CORO2B: variants seen among roughly 807,000 people sequenced by gnomAD.
CORO2B encodes the protein coronin-2B.
A neutral mutation model predicts 58.8 loss-of-function variants in CORO2B; 26 were observed. The observed-to-expected ratio is 0.44, with a 90% CI of 0.32 to 0.61. CORO2B has a LOEUF of 0.61. Ranked by LOEUF, CORO2B falls within the 20% of genes least tolerant of loss-of-function variation. The pLI, the probability that CORO2B is intolerant of heterozygous loss-of-function variation, is 0.04. For missense variants in CORO2B, 460 were observed against 645.1 expected (o/e 0.71, Z 3.11); for synonymous variants, 242 against 253.8 (o/e 0.95, Z 0.44).
intron 2 of CORO2B, among the ~76,000 whole-genome samples, chr15:68,681,957 A>G (rs1414101924): frequency 3.9e-5 from 6 of 152,200 alleles, no homozygotes; most frequent in African/African-American, 1.4e-4. Flanking sequence ...GTGGAGAGCC[A>G]GACTTGGAAC....
the CORO2B span, among the ~76,000 whole-genome samples, chr15:68,536,531 T>C: frequency 1.3e-5 from 2 of 152,244 alleles, no homozygotes; most frequent in Admixed American, 1.3e-4. Flanking sequence ...GATGCAACTC[T>C]GTAACACTGG....
intron 1 of CORO2B, among the ~76,000 whole-genome samples, chr15:68,633,038 T>TTCTGCC (rs1329382469): frequency 2.0e-5 from 3 of 152,250 alleles, no homozygotes; most frequent in Admixed American, 2.0e-4. Context: ...CGCTTATGGC[T>TTCTGCC]TCTGCCTCTG....
chr15:68,611,900 T>G (rs1002702579), intron 1 of CORO2B, among the ~76,000 whole-genome samples: 1 of 152,054 alleles, frequency 6.6e-6, no homozygotes, highest in Non-Finnish European at 1.5e-5. Flanking sequence ...GCCTCCCAAG[T>G]AGCTGGGACT....
chr15:68,711,711 A>G lies in CORO2B; in HGVS notation c.648+5A>G, dbSNP rs1596033319. The G allele has an allele frequency of 6.2e-7, 1 of 1,613,822 alleles. No homozygotes were observed. Among genetic ancestry groups the G allele is most frequent in the East Asian group, 2.2e-5 (1 of 44,866 alleles). On this transcript the variant is annotated splice_donor_5th_base_variant and intron_variant, in intron 5 of 11. Coordinates refer to ENST00000261861, the MANE Select transcript of CORO2B (RefSeq NM_006091.5). ...CGCTCTGGCCGTGTTCTGCAGGTGG[A>G]ACCCTACATTTTTTGAGATTGAAGG...
At chr15:68,536,421 C>G in the CORO2B span, among the ~76,000 whole-genome samples, 1 of 152,192 alleles carries the variant, frequency 6.6e-6, no homozygotes, top group Admixed American at 6.5e-5. Context: ...TAAAAAACTG[C>G]TATTTAATTC....
At chr15:68,693,407 ATGAGGAATC>A (rs1192389900) in intron 2 of CORO2B, among the ~76,000 whole-genome samples, 3 of 152,190 alleles carry the variant, frequency 2.0e-5, no homozygotes, top group Non-Finnish European at 2.9e-5. Flanking sequence ...TATTATTCTG[ATGAGGAATC>A]TGAAGGAGAC....
At chr15:68,559,906 G>A in the CORO2B span, among the ~76,000 whole-genome samples, 2 of 152,254 alleles carry the variant, frequency 1.3e-5, no homozygotes, top group African/African-American at 2.4e-5. The surrounding 1 kb of genome is among the most constrained non-coding windows in gnomAD (Gnocchi z 4.3). Flanking sequence ...GGGGTCCTCT[G>A]GTAAGCAGAC....
chr15:68,707,409 G>A (rs937097), intron 3 of CORO2B, among the ~76,000 whole-genome samples: 148,087 of 152,302 alleles, frequency 0.97, 72,139 homozygotes, highest in Middle Eastern at 1. Flanking sequence ...TATCCACACC[G>A]CTGCACAAAC....
At chr15:68,700,070 G>T (rs115667536) in intron 3 of CORO2B, among the ~76,000 whole-genome samples, 3,606 of 152,292 alleles carry the variant, frequency 0.024, 124 homozygotes, top group African/African-American at 0.077. Flanking sequence ...CAGCACTGCT[G>T]CCAGGGCCCT....
In CORO2B at chr15:68,726,513, G is replaced by A. The variant is rs1028662690; in HGVS notation, c.*539G>A. ...GCCTCACCCGACGAGGACAGCGAGC[G>A]GCCCGGCTCCTTTCTGTCTCTTCCC... On this transcript the variant is annotated 3_prime_UTR_variant, in exon 12 of 12. Transcript: ENST00000261861. 52 of 162,860 alleles carry A rather than the reference G, an allele frequency of 3.2e-4. No individual in the cohort carries two copies. Among genetic ancestry groups the A allele is most frequent in the African/African-American group, 9.4e-4 (39 of 41,594 alleles). 10.1% of individuals were successfully genotyped at this position (162,860 alleles called of 1,614,324 possible).
chr15:68,690,225 G>A (rs1315975707), intron 2 of CORO2B, among the ~76,000 whole-genome samples: 2 of 152,112 alleles, frequency 1.3e-5, no homozygotes, highest in African/African-American at 4.8e-5. Flanking sequence ...ATTGGCAAAC[G>A]CTATGAATCA....
rs1023827188 is a variant in CORO2B, at chr15:68,649,221, G to A, written c.216+3861G>A. ...AAATATGCTATATATATACATATCA[G>A]GTGTATTTGATATATATCTTTTTTC... On this transcript the variant is annotated intron_variant, in intron 2 of 11. Coordinates refer to ENST00000261861, the MANE Select transcript of CORO2B (RefSeq NM_006091.5). 1.1e-4 allele frequency among the ~76,000 whole-genome samples: 16 copies of A among 152,198 alleles called. 1 individual carries two copies. The highest frequency in any genetic ancestry group is 3.9e-4 in the African/African-American group (16 of 41,522).
chr15:68,577,902 C>T (rs1899320280), upstream of CORO2B, among the ~76,000 whole-genome samples: 1 of 152,104 alleles, frequency 6.6e-6, no homozygotes, highest in African/African-American at 2.4e-5. Context: ...ACGTTGCCTT[C>T]GCTGTCCAGG....
At chr15:68,723,578 C>T (rs34700098) in intron 11 of CORO2B, among the ~76,000 whole-genome samples, 26,469 of 151,818 alleles carry the variant, frequency 0.17, 2,854 homozygotes, top group Non-Finnish European at 0.24. Flanking sequence ...TTCAGCCTCC[C>T]GAGTAGCTGG....
intron 1 of CORO2B, among the ~76,000 whole-genome samples, chr15:68,581,517 C>T (rs905759734): frequency 1.3e-5 from 2 of 152,140 alleles, no homozygotes; most frequent in Non-Finnish European, 2.9e-5. Context: ...CTAAATTAGC[C>T]ACCAACAGGC....
At chr15:68,689,283 C>G (rs1336870435) in intron 2 of CORO2B, among the ~76,000 whole-genome samples, 1 of 151,962 alleles carries the variant, frequency 6.6e-6, no homozygotes, top group African/African-American at 2.4e-5. Context: ...GACTGAAGTT[C>G]TCTGAGGTTC....
chr15:68,543,251 G>A, the CORO2B span, among the ~76,000 whole-genome samples: 3 of 152,156 alleles, frequency 2.0e-5, no homozygotes, highest in African/African-American at 7.2e-5. Context: ...TGTCCCCTCT[G>A]GAGCCCTCAG....
At chr15:68,587,049 T>TACACAC (rs58729813) in intron 1 of CORO2B, among the ~76,000 whole-genome samples, 2,472 of 57,740 alleles carry the variant, frequency 0.043, 30 homozygotes, top group Non-Finnish European at 0.068. Context: ...GAGATATGTA[T>TACACAC]ACACACACAC....
chr15:68,646,604 G>A (rs773283613), intron 2 of CORO2B, among the ~76,000 whole-genome samples: 2 of 152,168 alleles, frequency 1.3e-5, no homozygotes. Context: ...ACTTGATGGC[G>A]GGAGGTCTGG....
Sources: allele counts gnomAD v4.1 joint callset (sites outside exome capture counted in the v4.1 genomes callset), GRCh38; gene constraint gnomAD v4.1.1; non-coding constraint Gnocchi (gnomAD v3.1); transcripts MANE v1.5; gene names NCBI Gene and HGNC (gene_info 2026-07-23, HGNC 2026-07-21).